ADGRL3: variants seen among roughly 807,000 people sequenced by gnomAD.
The protein encoded by ADGRL3 is adhesion G protein-coupled receptor L3.
Under a neutral mutation model 153.5 loss-of-function variants are expected in ADGRL3, and 62 were observed. The observed-to-expected ratio is 0.40, with a 90% CI of 0.33 to 0.50. The LOEUF is 0.50. ADGRL3 is among the 20% of genes least tolerant of loss of function. The probability of loss-of-function intolerance (pLI) is 0.47; values close to 1 mark genes in which losing one functional copy is unlikely to be tolerated. For missense variants in ADGRL3, 1,641 were observed against 1,859.4 expected (o/e 0.88, Z 2.16); for synonymous variants, 710 against 672.5 (o/e 1.06, Z -0.86).
chr4:61,852,293 ATTTT>A (rs373518704), intron 9 of ADGRL3, among the ~76,000 whole-genome samples: 27,295 of 149,908 alleles, frequency 0.18, 3,264 homozygotes, highest in African/African-American at 0.35. Flanking sequence ...TTTTAATTTT[ATTTT>A]ATTTTATTTT....
chr4:61,770,486 A>G (rs141798133), intron 8 of ADGRL3, among the ~76,000 whole-genome samples: 1 of 152,326 alleles, frequency 6.6e-6, no homozygotes, highest in African/African-American at 2.4e-5. Context: ...ATTTTGAGGC[A>G]TATCTATTAT....
intron 8 of ADGRL3, among the ~76,000 whole-genome samples, chr4:61,783,715 A>T (rs1200253029): frequency 1.3e-5 from 2 of 152,130 alleles, no homozygotes; most frequent in African/African-American, 2.4e-5. Context: ...AAACTTGAAG[A>T]GTCAAGTTAT....
In ADGRL3 at chr4:61,811,382, A is replaced by G. The variant is rs1324678120; in HGVS notation, c.1400-2427A>G. On this transcript the variant is annotated intron_variant, in intron 8 of 26. Transcript: ENST00000683033. Reference sequence around the variant, plus strand: ...GAGTAAAAGAAGCTGATCACAAAATATACAAACATATATTTTATAATTTCA... The same window carrying G: ...GAGTAAAAGAAGCTGATCACAAAATGTACAAACATATATTTTATAATTTCA... 2.0e-5 allele frequency among the ~76,000 whole-genome samples: 3 copies of G among 152,132 alleles called. No homozygotes were observed. In the East Asian group the frequency reaches 5.8e-4, roughly 29 times the overall value.
intron 5 of ADGRL3, among the ~76,000 whole-genome samples, chr4:61,630,540 A>T (rs1177823123): frequency 1.3e-5 from 2 of 151,882 alleles, no homozygotes; most frequent in African/African-American, 4.8e-5. Context: ...TTTATCCTTT[A>T]CCCTCTTTGT....
In ADGRL3 at chr4:61,732,907, C is replaced by T. The variant is rs1010229748; in HGVS notation, c.752C>T (p.Thr251Ile). 1.1e-5 allele frequency: 17 copies of T among 1,613,590 alleles called. No homozygotes were observed. The highest frequency in any genetic ancestry group is 8.0e-5 in the African/African-American group (6 of 74,892). Reference protein sequence around the residue: ...PWTPYRTDTLTEYSSKDDFIA... With the variant: ...PWTPYRTDTLIEYSSKDDFIA... Reference sequence around the variant, plus strand: ...ACTCCCTACAGAACTGATACCCTGACTGAGTATTCATCCAAGGATGACTTC... The same window carrying T: ...ACTCCCTACAGAACTGATACCCTGATTGAGTATTCATCCAAGGATGACTTC... The change falls in exon 8 of 27, where the codon ACT becomes ATT. Residue 251 changes from threonine to isoleucine, a missense_variant. Physicochemically the swap from Thr to Ile is moderately conservative, Grantham distance 89 (BLOSUM62 -1). Around this residue, in one of 5 missense-constraint regions of ADGRL3, gnomAD observed 213 missense variants for 362.1 expected, o/e 0.59. Transcript: ENST00000683033.
intron 22 of ADGRL3, among the ~76,000 whole-genome samples, chr4:62,029,145 G>A (rs1322197343): frequency 3.3e-5 from 5 of 151,736 alleles, no homozygotes; most frequent in Non-Finnish European, 7.4e-5. Context: ...ATTTCCTGTG[G>A]TACAGACTTG....
intron 9 of ADGRL3, among the ~76,000 whole-genome samples, chr4:61,873,962 A>G (rs899691602): frequency 6.6e-6 from 1 of 152,166 alleles, no homozygotes; most frequent in Admixed American, 6.5e-5. Context: ...ACCATGTTTG[A>G]GAACTCTTGC....
chr4:61,532,560 G>GTA (rs1470631499), intron 4 of ADGRL3, among the ~76,000 whole-genome samples: 1 of 150,430 alleles, frequency 6.6e-6, no homozygotes, highest in African/African-American at 2.4e-5. Context: ...GCGCGCGTGT[G>GTA]TGTGTGTGTG....
intron 4 of ADGRL3, among the ~76,000 whole-genome samples, chr4:61,567,704 C>A (rs950395404): frequency 6.6e-6 from 1 of 152,130 alleles, no homozygotes; most frequent in African/African-American, 2.4e-5. Context: ...TTTCCACAAC[C>A]CTTTCCTCCA....
intron 1 of ADGRL3, among the ~76,000 whole-genome samples, chr4:61,347,739 G>A (rs947193043): frequency 2.0e-5 from 3 of 152,072 alleles, no homozygotes; most frequent in Admixed American, 6.6e-5. Context: ...GGATTAATCA[G>A]TATGATCCTT....
At chr4:61,871,124 A>G (rs978242830) in intron 9 of ADGRL3, among the ~76,000 whole-genome samples, 1 of 152,046 alleles carries the variant, frequency 6.6e-6, no homozygotes, top group Non-Finnish European at 1.5e-5. Context: ...TAAAAATACA[A>G]AAAATTAGCC....
chr4:61,512,351 A>G (rs1041894666), intron 3 of ADGRL3, among the ~76,000 whole-genome samples: 3 of 152,164 alleles, frequency 2.0e-5, no homozygotes, highest in African/African-American at 7.2e-5. Context: ...CTGTGAATGT[A>G]ATGATGTAAT....
intron 5 of ADGRL3, among the ~76,000 whole-genome samples, chr4:61,663,281 C>A (rs1159581054): frequency 6.6e-6 from 1 of 152,188 alleles, no homozygotes; most frequent in Non-Finnish European, 1.5e-5. Flanking sequence ...GGCTGTGACA[C>A]CCTCTTTGGA....
intron 5 of ADGRL3, among the ~76,000 whole-genome samples, chr4:61,657,577 C>A (rs1374373178): frequency 6.6e-6 from 1 of 151,850 alleles, no homozygotes; most frequent in African/African-American, 2.4e-5. Context: ...CACCAAGAGT[C>A]AACAAACAAA....
intron 5 of ADGRL3, among the ~76,000 whole-genome samples, chr4:61,642,187 G>T (rs1409809294): frequency 6.7e-6 from 1 of 149,810 alleles, no homozygotes; most frequent in Admixed American, 6.7e-5. Context: ...CTGGATATTA[G>T]CCCTTTGTCA....
intron 4 of ADGRL3, among the ~76,000 whole-genome samples, chr4:61,581,978 TTG>T (rs1379630767): frequency 1.3e-5 from 2 of 152,080 alleles, no homozygotes; most frequent in African/African-American, 4.8e-5. Context: ...AAAAAATTAT[TTG>T]ATAGATTTCT....
At chr4:61,957,254 C>T (rs1198199945) in intron 17 of ADGRL3, among the ~76,000 whole-genome samples, 1 of 152,060 alleles carries the variant, frequency 6.6e-6, no homozygotes, top group African/African-American at 2.4e-5. Flanking sequence ...TCCTTCACAT[C>T]CCTTGTTAGC....
At chr4:61,642,216 A>G (rs2093713416) in intron 5 of ADGRL3, among the ~76,000 whole-genome samples, 1 of 150,382 alleles carries the variant, frequency 6.6e-6, no homozygotes, top group Admixed American at 6.6e-5. Flanking sequence ...GGTTGCGAAA[A>G]TTTTCTCCCA....
intron 1 of ADGRL3, among the ~76,000 whole-genome samples, chr4:61,338,776 A>G (rs2151093949): frequency 6.6e-6 from 1 of 152,342 alleles, no homozygotes; most frequent in South Asian, 2.1e-4. Flanking sequence ...TCATTCAAAA[A>G]CTATTGAATA....
Sources: allele counts gnomAD v4.1 joint callset (sites outside exome capture counted in the v4.1 genomes callset), GRCh38; gene constraint gnomAD v4.1.1; regional missense constraint gnomAD v4.1.1; transcripts MANE v1.5; gene names NCBI Gene and HGNC (gene_info 2026-07-23, HGNC 2026-07-21).